ERH: variants seen among roughly 807,000 people sequenced by gnomAD.
ERH encodes enhancer of rudimentary homolog.
ERH carries 1 observed loss-of-function variant against 16.8 expected under a neutral mutation model. That is an observed-to-expected ratio of 0.06 (90% CI 0.02 to 0.28). The LOEUF is 0.28. Ranked by LOEUF, ERH falls within the 10% of genes least tolerant of loss-of-function variation. The pLI is 1.00. For missense variants in ERH, 42 were observed against 127.5 expected (o/e 0.33, Z 3.23); for synonymous variants, 43 against 43.6 (o/e 0.99, Z 0.05).
intron 2 of ERH, among the ~76,000 whole-genome samples, chr14:69,391,406 GA>G (rs1462758837): frequency 7.2e-5 from 11 of 152,080 alleles, no homozygotes; most frequent in African/African-American, 2.4e-4. Flanking sequence ...CAGACTTTGG[GA>G]GGCTGAGGTG....
chr14:69,386,974 G>A lies in ERH; in HGVS notation c.201C>T (p.Leu67=). ...LFDFIDDLAD[L]SCLVYRADTQ... is the part of the protein sequence containing the mutation. ...TGGCTAATACTTACACCAGGCAGCT[G>A]AGGTCTGCCAGATCATCGATGAAAT... The change falls in exon 3 of 4, where the codon CTC becomes CTT. Residue 67 remains leucine, a synonymous_variant. Transcript: ENST00000557016. The A allele has an allele frequency of 1.2e-6, 2 of 1,613,372 alleles. No individual in the cohort carries two copies.
intron 1 of ERH, among the ~76,000 whole-genome samples, chr14:69,395,659 C>T (rs71423358): frequency 2.6e-5 from 4 of 152,026 alleles, no homozygotes; most frequent in Admixed American, 6.5e-5. Context: ...CCAACCTCAG[C>T]GTAAGAGCAA....
At chr14:69,395,030 G>A (rs1882302329) in intron 1 of ERH, 118 bp from the exon 2 acceptor site, 3 of 740,144 alleles carry the variant, frequency 4.1e-6, no homozygotes, top group Non-Finnish European at 6.7e-6. Context: ...TGTAATTAGA[G>A]AGGCCAGGCA....
At chr14:69,392,436 T>C (rs966864869) in intron 2 of ERH, among the ~76,000 whole-genome samples, 1 of 152,154 alleles carries the variant, frequency 6.6e-6, no homozygotes, top group Non-Finnish European at 1.5e-5. Context: ...CCACACACGA[T>C]AATGATTCCA....
intron 2 of ERH, among the ~76,000 whole-genome samples, chr14:69,392,223 GAAT>G (rs1882235155): frequency 6.8e-6 from 1 of 147,056 alleles, no homozygotes; most frequent in African/African-American, 2.5e-5. Context: ...AAAAAAAAAA[GAAT>G]AATAAAATTA....
At chr14:69,394,014 G>A (rs545091488) in intron 2 of ERH, among the ~76,000 whole-genome samples, 9 of 149,444 alleles carry the variant, frequency 6.0e-5, no homozygotes, top group Admixed American at 6.7e-5. Context: ...GCAAGACCCC[G>A]TGTCTTAAGG....
chr14:69,398,050 C>A, intron 1 of ERH, 181 bp downstream of exon 1: 1 of 781,408 alleles, frequency 1.3e-6, no homozygotes, highest in Non-Finnish European at 2.0e-6. Context: ...ACCGGGGCTC[C>A]GAGGCCTAGA....
At chr14:69,385,253 C>T (rs771269232) in intron 3 of ERH, among the ~76,000 whole-genome samples, 10 of 152,208 alleles carry the variant, frequency 6.6e-5, no homozygotes, top group Non-Finnish European at 1.5e-4. Context: ...ACTGATTTCA[C>T]TTTAAATCAC....
chr14:69,386,937 TA>T, intron 3 of ERH, 25 bp downstream of exon 3: 1 of 1,609,750 alleles, frequency 6.2e-7, no homozygotes, highest in Non-Finnish European at 8.5e-7. Flanking sequence ...AAATACAAGA[TA>T]AAAGACATGT....
intron 2 of ERH, 108 bp downstream of exon 2, chr14:69,394,717 A>G: frequency 1.6e-6 from 1 of 628,422 alleles, no homozygotes; most frequent in Admixed American, 3.2e-5. Flanking sequence ...GGAAGTGATA[A>G]AGGCAGGGCC....
chr14:69,384,366 A>G (rs567299030), intron 3 of ERH, among the ~76,000 whole-genome samples: 37 of 152,378 alleles, frequency 2.4e-4, no homozygotes, highest in African/African-American at 8.9e-4. Context: ...TTAGCAAACT[A>G]AAGTTTAGCA....
intron 1 of ERH, 122 bp from the exon 2 acceptor site, chr14:69,395,034 C>T: frequency 2.8e-6 from 2 of 703,144 alleles, no homozygotes; most frequent in South Asian, 1.8e-5. Flanking sequence ...ATTAGAGAGG[C>T]CAGGCATGGC....
Position 69,393,352 on chromosome 14 carries a change from CG to C in ERH, c.91+1472del, listed in dbSNP as rs372234590. ...AGAAACAAAGACACCTGCACTCATA[CG>C]TTTACGGCAGTACTATACACAACAG... On this transcript the variant is annotated intron_variant, in intron 2 of 3. Coordinates refer to ENST00000557016, the MANE Select transcript of ERH (RefSeq NM_004450.3). Among the ~76,000 whole-genome samples the C allele has an allele frequency of 1.9e-4, 29 of 152,114 alleles. No homozygotes were observed. In the East Asian group the frequency reaches 5.4e-3, roughly 28 times the overall value.
chr14:69,394,970 TA>T (rs3837663), intron 1 of ERH, 58 bp from the exon 2 acceptor site: 274,698 of 1,173,466 alleles, frequency 0.23, 36,614 homozygotes, highest in Non-Finnish European at 0.27. Flanking sequence ...CATAGTATGA[TA>T]AAAAAAAATC....
intron 1 of ERH, among the ~76,000 whole-genome samples, chr14:69,397,234 C>T (rs1882364551): frequency 6.6e-6 from 1 of 152,150 alleles, no homozygotes; most frequent in South Asian, 2.1e-4. Flanking sequence ...TGCTTTCCTG[C>T]TCAAATTCTT....
intron 2 of ERH, among the ~76,000 whole-genome samples, chr14:69,388,852 A>G (rs1010067034): frequency 1.1e-4 from 16 of 152,244 alleles, no homozygotes; most frequent in Admixed American, 2.6e-4. Flanking sequence ...ATTTCCTAAT[A>G]AAAACACTAT....
At chr14:69,397,195 G>A (rs952654517) in intron 1 of ERH, among the ~76,000 whole-genome samples, 5 of 152,146 alleles carry the variant, frequency 3.3e-5, no homozygotes, top group African/African-American at 9.7e-5. Context: ...AAAAACTGTG[G>A]TCAAGTGGTT....
chr14:69,387,525 C>T (rs970551630), intron 2 of ERH, among the ~76,000 whole-genome samples: 2 of 152,108 alleles, frequency 1.3e-5, no homozygotes, highest in Non-Finnish European at 2.9e-5. Context: ...GTCTGGGCAG[C>T]TGAGAAATTC....
rs2045852628 is a variant in ERH, at chr14:69,380,245, T to C, written c.*293A>G. ...GGGTTAGTATGTGAATGTTATAAAG[T>C]AGATATGAACAGTTGAAGGACTGGA... On this transcript the variant is annotated 3_prime_UTR_variant, in exon 4 of 4. Coordinates refer to ENST00000557016, the MANE Select transcript of ERH (RefSeq NM_004450.3). The C allele has an allele frequency of 3.8e-6, 1 of 265,362 alleles. No homozygotes were observed. Among genetic ancestry groups the C allele is most frequent in the Non-Finnish European group, 7.0e-6 (1 of 142,430 alleles). The allele number at this position is 265,362 out of a possible 1,614,324, so 16.4% of individuals were successfully genotyped here. A position where few individuals can be genotyped will look rare whatever the true frequency, so the allele number is the denominator to read the frequency against.
Sources: allele counts gnomAD v4.1 joint callset (sites outside exome capture counted in the v4.1 genomes callset), GRCh38; gene constraint gnomAD v4.1.1; transcripts MANE v1.5; gene names NCBI Gene and HGNC (gene_info 2026-07-23, HGNC 2026-07-21).